PI4KA: variants seen among roughly 807,000 people sequenced by gnomAD.
PI4KA encodes the protein phosphatidylinositol 4-kinase alpha.
In PI4KA, 122 loss-of-function variants were observed where a neutral mutation model predicts 271.4. The observed-to-expected ratio is 0.45, with a 90% confidence interval of 0.39 to 0.52. The LOEUF is 0.52. Ranked by LOEUF, PI4KA falls within the 20% of genes least tolerant of loss-of-function variation. The pLI is 0.00. For synonymous variants in PI4KA, 1,041 were observed against 1,078.8 expected (o/e 0.96, Z 0.69); for missense variants, 1,969 against 2,769.1 (o/e 0.71, Z 6.48).
intron 22 of PI4KA, 78 bp downstream of exon 22, chr22:20,764,739 C>A: frequency 7.0e-7 from 1 of 1,422,314 alleles, no homozygotes; most frequent in South Asian, 1.5e-5. Context: ...AAAAAAGTCT[C>A]ATGCTTACGA....
rs569905207 is a variant in PI4KA, at chr22:20,747,833, C to T, written c.3244-131G>A. The T allele has an allele frequency of 3.0e-5, 24 of 806,792 alleles. No individual in the cohort carries two copies. In the Admixed American group the frequency reaches 3.6e-4, roughly 12 times the overall value. 50.0% of individuals were successfully genotyped at this position (806,792 alleles called of 1,614,324 possible). A position where few individuals can be genotyped will look rare whatever the true frequency, so the allele number is the denominator to read the frequency against. On this transcript the variant is annotated intron_variant, in intron 28 of 54. Coordinates refer to ENST00000255882, the MANE Select transcript of PI4KA (RefSeq NM_058004.4). ...CATTGCAGCCTCGACCTCTTAGACT[C>T]AAGCCATCCTCCCGCCTCAGCTTCC...
intron 39 of PI4KA, among the ~76,000 whole-genome samples, chr22:20,728,434 C>A (rs964963247): frequency 6.6e-6 from 1 of 152,164 alleles, no homozygotes; most frequent in Non-Finnish European, 1.5e-5. Context: ...GTTTAAAGGG[C>A]TTCCTTTCAC....
rs544532696 is a variant in PI4KA at position 20,731,478 on chromosome 22, C to A, written c.4289-1467G>T. Among the ~76,000 whole-genome samples the A allele has an allele frequency of 7.2e-5, 11 of 152,010 alleles. No individual in the cohort carries two copies. The South Asian group carries it at 2.3e-3, about 32-fold the overall frequency. On this transcript the variant is annotated intron_variant, in intron 36 of 54. Transcript: ENST00000255882. ...GTGGCCCACACCTGTAATCCCAGCACTTTAGGAGGCTGAGGCGGGCGGATC... is the reference window on the plus strand; with the variant it reads ...GTGGCCCACACCTGTAATCCCAGCAATTTAGGAGGCTGAGGCGGGCGGATC...
chr22:20,736,657 A>G (rs1288344932), intron 32 of PI4KA: 1 of 155,132 alleles, frequency 6.4e-6, no homozygotes, highest in Non-Finnish European at 1.4e-5. Context: ...GCTGGCATCT[A>G]CAGTGAAGGG....
intron 14 of PI4KA, 100 bp from the exon 15 acceptor site, chr22:20,799,866 C>CTGCTCTGAATT: frequency 1.5e-6 from 1 of 682,314 alleles, no homozygotes; most frequent in Non-Finnish European, 2.5e-6. Context: ...GTTTAAAGAA[C>CTGCTCTGAATT]TGCTCTGAAT....
chr22:20,752,789 ATTCT>A, intron 25 of PI4KA, 110 bp downstream of exon 25: 1 of 1,163,454 alleles, frequency 8.6e-7, no homozygotes, highest in South Asian at 1.4e-5. Context: ...AGGAGTTTTC[ATTCT>A]GACTCCATTT....
chr22:20,832,165 G>C (rs1924263894), intron 3 of PI4KA, among the ~76,000 whole-genome samples: 1 of 150,000 alleles, frequency 6.7e-6, no homozygotes, highest in South Asian at 2.1e-4. Context: ...GCCCAGGCTG[G>C]AGTGCAGTGG....
intron 23 of PI4KA, among the ~76,000 whole-genome samples, chr22:20,754,241 C>G (rs1016938947): frequency 8.5e-5 from 13 of 152,292 alleles, no homozygotes; most frequent in Non-Finnish European, 7.4e-5. Context: ...ATGTACAACA[C>G]CATGCTCAGC....
intron 28 of PI4KA, among the ~76,000 whole-genome samples, chr22:20,749,046 C>T (rs559650011): frequency 6.6e-6 from 1 of 152,210 alleles, no homozygotes; most frequent in African/African-American, 2.4e-5. Context: ...TTTTTGTCCA[C>T]TTAAACTTTC....
intron 7 of PI4KA, among the ~76,000 whole-genome samples, chr22:20,817,734 C>CAAAAAAAAAAAAAAAAAAAAAAAAA (rs361731): frequency 4.3e-4 from 6 of 13,972 alleles, no homozygotes; most frequent in Non-Finnish European, 6.7e-4. Context: ...ACTCTCTCTC[C>CAAAAAAAAAAAAAAAAAAAAAAAAA]AAAAAAAAAA....
intron 19 of PI4KA, among the ~76,000 whole-genome samples, chr22:20,772,956 G>A (rs573466265): frequency 6.6e-6 from 1 of 152,170 alleles, no homozygotes; most frequent in South Asian, 2.1e-4. Flanking sequence ...TAGACATGGT[G>A]GTGTGCACCT....
intron 32 of PI4KA, 110 bp downstream of exon 32, chr22:20,742,118 T>G (rs1601383625): frequency 9.1e-7 from 1 of 1,102,104 alleles, no homozygotes; most frequent in Non-Finnish European, 1.3e-6. Context: ...CTTGAGAAGG[T>G]GAGGGGCTTG....
chr22:20,726,482 G>T lies in PI4KA; in HGVS notation c.4995+6C>A. On this transcript the variant is annotated splice_donor_region_variant and intron_variant, in intron 42 of 54. Transcript: ENST00000255882. ...GAAGAGGACGGCCATGCAGGTGCAG[G>T]CTTACCTTGTCGTACCTGAGGGCCT... is the stretch of plus-strand genomic sequence containing the variant. 6.4e-7 allele frequency: 1 copy of T among 1,559,932 alleles called. No homozygotes were observed. The highest frequency in any genetic ancestry group is 8.6e-7 in the Non-Finnish European group (1 of 1,159,614).
chr22:20,713,910 T>G (rs1032437866), intron 47 of PI4KA, among the ~76,000 whole-genome samples: 5 of 152,142 alleles, frequency 3.3e-5, no homozygotes, highest in Admixed American at 3.3e-4. Context: ...TCTTTGCAGA[T>G]GTAATTAGGT....
In PI4KA at chr22:20,819,556, C is replaced by G. The variant is rs145827220; in HGVS notation, c.789+85G>C. On this transcript the variant is annotated intron_variant, in intron 6 of 54. Coordinates refer to ENST00000255882, the MANE Select transcript of PI4KA (RefSeq NM_058004.4). Reference sequence around the variant, plus strand: ...CATTTCACGTTACTTAAGTTTACTCCAACTACAAAGAAGAGGGATTTTCTT... The same window carrying G: ...CATTTCACGTTACTTAAGTTTACTCGAACTACAAAGAAGAGGGATTTTCTT... 1,667 of 1,266,814 alleles carry G rather than the reference C, an allele frequency of 1.3e-3. 21 individuals carry two copies. The African/African-American group carries it at 0.023, about 17-fold the overall frequency. 78.5% of individuals were successfully genotyped at this position (1,266,814 alleles called of 1,614,324 possible). A position where few individuals can be genotyped will look rare whatever the true frequency, so the allele number is the denominator to read the frequency against.
intron 1 of PI4KA, among the ~76,000 whole-genome samples, chr22:20,851,765 C>G (rs1927008720): frequency 6.6e-6 from 1 of 152,190 alleles, no homozygotes; most frequent in African/African-American, 2.4e-5. Context: ...CAAGTGAGAC[C>G]TGAGGATTTC....
intron 18 of PI4KA, among the ~76,000 whole-genome samples, chr22:20,794,906 T>C (rs1295078419): frequency 6.6e-6 from 1 of 152,126 alleles, no homozygotes; most frequent in Non-Finnish European, 1.5e-5. Flanking sequence ...AAGAGTTGAG[T>C]TGAGCAGTTA....
At chr22:20,798,313 C>T (rs967922037) in intron 17 of PI4KA, among the ~76,000 whole-genome samples, 2 of 152,010 alleles carry the variant, frequency 1.3e-5, no homozygotes, top group Non-Finnish European at 2.9e-5. Flanking sequence ...TGATGTGCTG[C>T]CCCATAAAAA....
chr22:20,732,254 C>T (rs562023319), intron 36 of PI4KA, among the ~76,000 whole-genome samples: 1 of 152,220 alleles, frequency 6.6e-6, no homozygotes, highest in Non-Finnish European at 1.5e-5. Flanking sequence ...GTGGTGAGCA[C>T]CTGTAGTTCC....
Sources: gnomAD v4.1 joint callset for allele counts (sites outside exome capture counted in the v4.1 genomes callset) on GRCh38, gnomAD v4.1.1 for gene constraint, MANE v1.5 for transcripts, NCBI Gene and HGNC (gene_info 2026-07-23, HGNC 2026-07-21) for gene names.